PC: variants seen among roughly 807,000 people sequenced by gnomAD.
The protein encoded by PC is pyruvate carboxylase, mitochondrial.
PC carries 46 observed loss-of-function variants against 107.8 expected under a neutral mutation model. The ratio of observed to expected loss-of-function variants is 0.43; its 90% CI spans 0.34 to 0.55. The LOEUF is 0.55. PC is among the 20% of genes least tolerant of loss of function. PC has a pLI of 0.04. For synonymous variants in PC, 662 were observed against 684.7 expected (o/e 0.97, Z 0.52); for missense variants, 1,241 against 1,643.1 (o/e 0.76, Z 4.23).
In PC at chr11:66,945,812, C is replaced by T. The variant is rs557477952; in HGVS notation, c.-1+6618G>A. On this transcript the variant is annotated intron_variant, in intron 3 of 22. Coordinates refer to ENST00000393960, the MANE Select transcript of PC (RefSeq NM_001040716.2). ...TTTTGTGTTAAGAAATCTGGCCGGG[C>T]GCGGTGGCTCACGCCTGTAATCCCA... Among the ~76,000 whole-genome samples the T allele has an allele frequency of 1.1e-3, 140 of 125,424 alleles. 36 individuals are homozygous for T. The highest frequency in any genetic ancestry group is 3.8e-3 in the African/African-American group (131 of 34,930). 82.3% of individuals were successfully genotyped at this position (125,424 alleles called of 152,430 possible).
At chr11:66,941,516 G>A (rs191782122) in intron 3 of PC, among the ~76,000 whole-genome samples, 9 of 151,960 alleles carry the variant, frequency 5.9e-5, no homozygotes, top group African/African-American at 2.2e-4. Flanking sequence ...TTTTGAGGCA[G>A]AGTCTTGCTC....
At chr11:66,856,420 CGGCGGG>C (rs1198674131) in intron 12 of PC, among the ~76,000 whole-genome samples, 1 of 130,120 alleles carries the variant, frequency 7.7e-6, no homozygotes, top group Non-Finnish European at 1.6e-5. Flanking sequence ...CAGGGCGGGG[CGGCGGG>C]GGCGGGGCGC....
intron 3 of PC, among the ~76,000 whole-genome samples, chr11:66,917,778 T>C (rs1948498445): frequency 1.3e-5 from 2 of 152,214 alleles, no homozygotes; most frequent in African/African-American, 4.8e-5. Context: ...GAGAAATTTA[T>C]CTGGCCTGAA....
rs1385543705 is a variant in PC, at chr11:66,871,986, G to A, written c.136+38C>T. On this transcript the variant is annotated intron_variant, in intron 4 of 22. Transcript: ENST00000393960. This position sits in a 1 kb window ranked among gnomAD's most constrained non-coding sequence, Gnocchi z 7.4. ...GGAGAAGAATGCCAAGGCTGGGGCG[G>A]CCATGAGGCTCCTCTCACCGGCCCC... 1.9e-6 allele frequency: 3 copies of A among 1,557,572 alleles called. No individual in the cohort carries two copies. Among genetic ancestry groups the A allele is most frequent in the African/African-American group, 2.7e-5 (2 of 73,478 alleles).
intron 3 of PC, among the ~76,000 whole-genome samples, chr11:66,942,125 G>A (rs1281205597): frequency 2.0e-5 from 3 of 149,144 alleles, no homozygotes; most frequent in Admixed American, 1.3e-4. Context: ...AATGCTGGGC[G>A]CGGTGGCTCA....
chr11:66,854,098 C>G (rs1164955160), intron 12 of PC, among the ~76,000 whole-genome samples: 2 of 152,248 alleles, frequency 1.3e-5, no homozygotes, highest in African/African-American at 4.8e-5. Context: ...ACCTGCATCC[C>G]ATCACCCTCA....
Position 66,849,603 on chromosome 11 carries a change from C to T in PC, c.3147+8G>A, listed in dbSNP as rs749069223. 1.2e-6 allele frequency: 2 copies of T among 1,614,112 alleles called. No individual in the cohort carries two copies. The highest frequency in any genetic ancestry group is 3.3e-5 in the Admixed American group (2 of 60,034). On this transcript the variant is annotated splice_region_variant and intron_variant, in intron 21 of 22. Coordinates refer to ENST00000393960, the MANE Select transcript of PC (RefSeq NM_001040716.2). ...GGTGGAGTGTGGAGAAGCGCCAGAGCCACTGACCTCAAACTCCTCTGCGAT... is the reference window on the plus strand; with the variant it reads ...GGTGGAGTGTGGAGAAGCGCCAGAGTCACTGACCTCAAACTCCTCTGCGAT...
intron 3 of PC, among the ~76,000 whole-genome samples, chr11:66,877,490 C>G (rs1037772642): frequency 1.6e-4 from 23 of 140,364 alleles, no homozygotes; most frequent in African/African-American, 6.7e-4. Flanking sequence ...GAGATGGAGA[C>G]CATCCTGGCT....
chr11:66,860,052 G>A (rs761503637), intron 12 of PC: 4 of 1,571,190 alleles, frequency 2.5e-6, no homozygotes, highest in African/African-American at 2.7e-5. Context: ...TCTGGACCTG[G>A]GAGATGCCGG....
intron 10 of PC, among the ~76,000 whole-genome samples, chr11:66,868,470 A>G (rs1946591025): frequency 6.6e-6 from 1 of 152,188 alleles, no homozygotes; most frequent in African/African-American, 2.4e-5. Context: ...CCGGGAAAGG[A>G]GCAAACCAAA....
intron 3 of PC, among the ~76,000 whole-genome samples, chr11:66,883,306 G>A (rs1330461905): frequency 1.3e-5 from 2 of 152,190 alleles, no homozygotes; most frequent in Non-Finnish European, 2.9e-5. Flanking sequence ...AGCCTCACTG[G>A]AAAGCAGTGA....
At chr11:66,925,971 T>C (rs1326743785) in intron 3 of PC, among the ~76,000 whole-genome samples, 1 of 150,658 alleles carries the variant, frequency 6.6e-6, no homozygotes, top group Non-Finnish European at 1.5e-5. Context: ...CGTAGGCTAC[T>C]GTCTAGCAGA....
chr11:66,860,848 CAGG>C (rs905524407), intron 12 of PC, among the ~76,000 whole-genome samples: 1 of 152,226 alleles, frequency 6.6e-6, no homozygotes, highest in Non-Finnish European at 1.5e-5. Flanking sequence ...GACTAAGCAA[CAGG>C]AGGAGGTGGG....
chr11:66,934,521 A>C (rs1014313270), intron 3 of PC: 2 of 154,132 alleles, frequency 1.3e-5, no homozygotes, highest in East Asian at 1.9e-4. Context: ...AGGCTTGAAG[A>C]AGCTAAGGAA....
chr11:66,892,927 G>GATGT (rs1197700327), intron 3 of PC, among the ~76,000 whole-genome samples: 1 of 151,968 alleles, frequency 6.6e-6, no homozygotes, highest in Non-Finnish European at 1.5e-5. Context: ...TGCTGCTGAT[G>GATGT]ATGTGGGGGT....
At chr11:66,947,589 A>C (rs1373624521) in intron 3 of PC, among the ~76,000 whole-genome samples, 1 of 144,758 alleles carries the variant, frequency 6.9e-6, no homozygotes. Flanking sequence ...GACCAGGAAC[A>C]GTGGCTCATG....
rs554735155 is a variant in PC at position 66,915,039 on chromosome 11, AAAC to A, written c.-1+37388_-1+37390del. 7.1e-4 allele frequency among the ~76,000 whole-genome samples: 108 copies of A among 152,216 alleles called. 2 individuals are homozygous for A. The East Asian group carries it at 0.02, about 28-fold the overall frequency. On this transcript the variant is annotated intron_variant, in intron 3 of 22. Transcript: ENST00000393960. ...AGAGCAAGACCCTGTCTCAAAAACA[AAAC>A]AACAACAACAAAAAAACTAGTGTCA...
chr11:66,863,984 T>C, intron 11 of PC, 28 bp from the exon 12 acceptor site: 2 of 1,612,556 alleles, frequency 1.2e-6, no homozygotes, highest in South Asian at 2.2e-5. Flanking sequence ...CGTGAGGACC[T>C]GCGCCAGAAA....
chr11:66,855,936 A>T (rs1246433424), intron 12 of PC, among the ~76,000 whole-genome samples: 1 of 152,196 alleles, frequency 6.6e-6, no homozygotes, highest in Non-Finnish European at 1.5e-5. Flanking sequence ...GTTTCCTGCC[A>T]CCTGGCCCAT....
Sources: allele counts gnomAD v4.1 joint callset (sites outside exome capture counted in the v4.1 genomes callset), GRCh38; gene constraint gnomAD v4.1.1; non-coding constraint Gnocchi (gnomAD v3.1); transcripts MANE v1.5; gene names NCBI Gene and HGNC (gene_info 2026-07-23, HGNC 2026-07-21).